Variants in COL23A1 observed in about 807,000 individuals in gnomAD.
The protein encoded by COL23A1 is collagen alpha-1(XXIII) chain.
Under a neutral mutation model 99.3 loss-of-function variants are expected in COL23A1, and 97 were observed. The observed-to-expected ratio is 0.98, with a 90% CI of 0.83 to 1.16. The LOEUF is 1.16. Among genes scored for constraint, COL23A1 ranks in the 50% most tolerant of loss-of-function variants. The pLI is 0.00. For missense variants in COL23A1, 762 were observed against 757.4 expected (o/e 1.01, Z -0.07); for synonymous variants, 320 against 308.2 (o/e 1.04, Z -0.40).
intron 2 of COL23A1, among the ~76,000 whole-genome samples, chr5:178,467,683 G>C (rs1756494900): frequency 6.6e-6 from 1 of 152,134 alleles, no homozygotes; most frequent in Non-Finnish European, 1.5e-5. Flanking sequence ...TTCTGCCAGA[G>C]CCACAGACCT....
chr5:178,581,845 G>A (rs1209239581), intron 1 of COL23A1, among the ~76,000 whole-genome samples: 1 of 152,118 alleles, frequency 6.6e-6, no homozygotes, highest in Non-Finnish European at 1.5e-5. Flanking sequence ...GGAAAAATGT[G>A]TCTGATGTAC....
chr5:178,442,500 T>C (rs969944170), intron 2 of COL23A1, among the ~76,000 whole-genome samples: 16 of 152,188 alleles, frequency 1.1e-4, no homozygotes, highest in East Asian at 1.9e-4. Flanking sequence ...TCTAACATGA[T>C]AGGCCCGAGC....
intron 2 of COL23A1, among the ~76,000 whole-genome samples, chr5:178,355,074 G>C (rs547225187): frequency 6.6e-6 from 1 of 151,066 alleles, no homozygotes; most frequent in South Asian, 2.1e-4. Context: ...AAAAAAAATG[G>C]ATTTTTAAAA....
intron 2 of COL23A1, among the ~76,000 whole-genome samples, chr5:178,484,524 G>GT (rs1757505125): frequency 6.6e-6 from 1 of 152,158 alleles, no homozygotes; most frequent in African/African-American, 2.4e-5. Flanking sequence ...TCCCGAAACT[G>GT]TAAGAACAGT....
Position 178,259,741 on chromosome 5 carries a change from G to A in COL23A1, c.709C>T (p.Pro237Ser), listed in dbSNP as rs778683222. Residue 237 changes from proline to serine, a missense_variant, in exon 12 of 29, where the codon CCT (proline) becomes TCT (serine). Transcript: ENST00000390654. ...CTCACCTTCTTTCCAGGTACTCCAG[G>A]CTCACCCTGGGGGAGGCAATGGGGG... ...PKGPPGPKGE[P>S]GVPGKKGDDG... 18 of 1,604,184 alleles carry A rather than the reference G, an allele frequency of 1.1e-5. No individual in the cohort carries two copies. The highest frequency in any genetic ancestry group is 1.4e-5 in the Non-Finnish European group (17 of 1,173,728).
At chr5:178,378,938 G>C (rs1484771142) in intron 2 of COL23A1, among the ~76,000 whole-genome samples, 3 of 152,170 alleles carry the variant, frequency 2.0e-5, no homozygotes, top group Non-Finnish European at 4.4e-5. Context: ...AGAGCCAAGA[G>C]TTTATGTTAA....
intron 4 of COL23A1, chr5:178,288,610 A>C: frequency 1.7e-6 from 1 of 592,858 alleles, no homozygotes; most frequent in South Asian, 2.1e-5. Flanking sequence ...TGCCCTCCCC[A>C]CGCTGGCCAG....
At chr5:178,573,079 G>A (rs1451174645) in intron 1 of COL23A1, among the ~76,000 whole-genome samples, 3 of 152,214 alleles carry the variant, frequency 2.0e-5, no homozygotes, top group South Asian at 2.1e-4. Flanking sequence ...GAACGAGGCA[G>A]GAGGAAACTC....
intron 2 of COL23A1, among the ~76,000 whole-genome samples, chr5:178,538,956 G>C (rs1263862735): frequency 6.6e-6 from 1 of 152,186 alleles, no homozygotes; most frequent in African/African-American, 2.4e-5. Context: ...ATTACACTAA[G>C]TAAAAGAAGC....
intron 2 of COL23A1, among the ~76,000 whole-genome samples, chr5:178,460,933 G>A (rs1362020550): frequency 6.6e-6 from 1 of 152,176 alleles, no homozygotes; most frequent in Non-Finnish European, 1.5e-5. Flanking sequence ...AGTTGTGGGG[G>A]TCTCAGCTCA....
intron 2 of COL23A1, among the ~76,000 whole-genome samples, chr5:178,389,479 A>C (rs1435519174): frequency 1.3e-5 from 2 of 152,208 alleles, no homozygotes; most frequent in African/African-American, 4.8e-5. Flanking sequence ...CGAGACATTC[A>C]CACAGGGTCT....
rs1763590193 is a variant in COL23A1 at position 178,384,935 on chromosome 5, T to C, written c.362-78016A>G. ...GGTGGCGAGGCTCCCGCTCCTTCCCTGTGCCCAGCCTCCCTGCCTGCCCCA... is the reference window on the plus strand; with the variant it reads ...GGTGGCGAGGCTCCCGCTCCTTCCCCGTGCCCAGCCTCCCTGCCTGCCCCA... On this transcript the variant is annotated intron_variant, in intron 2 of 28. Transcript: ENST00000390654. This position sits in a 1 kb window ranked among gnomAD's most constrained non-coding sequence, Gnocchi z 5.5. 6.6e-6 allele frequency among the ~76,000 whole-genome samples: 1 copy of C among 151,188 alleles called. No individual in the cohort carries two copies.
At chr5:178,550,726 G>A (rs934669061) in intron 2 of COL23A1, among the ~76,000 whole-genome samples, 1 of 152,110 alleles carries the variant, frequency 6.6e-6, no homozygotes, top group African/African-American at 2.4e-5. Context: ...TACAGCATGT[G>A]GGTGAGCTCC....
At chr5:178,431,694 C>T (rs537822062) in intron 2 of COL23A1, among the ~76,000 whole-genome samples, 1 of 152,338 alleles carries the variant, frequency 6.6e-6, no homozygotes, top group Admixed American at 6.5e-5. Flanking sequence ...AAGGAAGCTG[C>T]CCTGCCACCA....
intron 27 of COL23A1, among the ~76,000 whole-genome samples, chr5:178,241,530 C>T (rs571775635): frequency 1.3e-5 from 2 of 152,262 alleles, no homozygotes; most frequent in East Asian, 3.9e-4. Context: ...GGAGTCAGAC[C>T]CCGACTTCCA....
In COL23A1 at chr5:178,253,630, G is replaced by A. The variant is rs915164483; in HGVS notation, c.961-1033C>T. On this transcript the variant is annotated intron_variant, in intron 16 of 28. Transcript: ENST00000390654. ...CCCGAGTAGCTGAGACTACAGGCGC[G>A]CACCACCATGCCCGGCTAATTTTTG... Among the ~76,000 whole-genome samples the A allele has an allele frequency of 4.0e-5, 6 of 151,714 alleles. No individual in the cohort carries two copies. The South Asian group carries it at 1.0e-3, about 26-fold the overall frequency.
At chr5:178,576,261 G>A (rs1339268197) in intron 1 of COL23A1, among the ~76,000 whole-genome samples, 1 of 152,020 alleles carries the variant, frequency 6.6e-6, no homozygotes, top group African/African-American at 2.4e-5. Flanking sequence ...TTTTTAGACG[G>A]AGTCTCACTC....
At chr5:178,265,603 T>G in intron 8 of COL23A1, 2 of 890,764 alleles carry the variant, frequency 2.2e-6, no homozygotes, top group Non-Finnish European at 2.7e-6. Flanking sequence ...TGGGGTGAGT[T>G]GGGGGTAACA....
intron 3 of COL23A1, among the ~76,000 whole-genome samples, chr5:178,298,017 G>C (rs1029446641): frequency 1.1e-4 from 17 of 152,190 alleles, no homozygotes; most frequent in Admixed American, 6.5e-4. Flanking sequence ...GCTGGCTGCA[G>C]GGCTTCCAGG....
Sources: allele counts gnomAD v4.1 joint callset (sites outside exome capture counted in the v4.1 genomes callset), GRCh38; gene constraint gnomAD v4.1.1; non-coding constraint Gnocchi (gnomAD v3.1); transcripts MANE v1.5; gene names NCBI Gene and HGNC (gene_info 2026-07-23, HGNC 2026-07-21).